MAD1L1: variants seen among roughly 807,000 people sequenced by gnomAD.
MAD1L1 encodes mitotic spindle assembly checkpoint protein MAD1.
In MAD1L1, 95 loss-of-function variants were observed where a neutral mutation model predicts 96.9. That is an observed-to-expected ratio of 0.98 (90% CI 0.83 to 1.16). The LOEUF (loss-of-function observed/expected upper bound fraction) is 1.16. Ranked by LOEUF, MAD1L1 falls within the 50% of genes most tolerant of loss-of-function variation. The pLI, the probability that MAD1L1 is intolerant of heterozygous loss-of-function variation, is 0.00. For missense variants in MAD1L1, 1,007 were observed against 954.4 expected (o/e 1.06, Z -0.73); for synonymous variants, 473 against 396.6 (o/e 1.19, Z -2.29).
At chr7:1,945,098 G>A (rs1237503718) in intron 16 of MAD1L1, among the ~76,000 whole-genome samples, 9 of 152,144 alleles carry the variant, frequency 5.9e-5, no homozygotes, top group East Asian at 5.8e-4. Context: ...CCAGGCCTCC[G>A]TCTCTCTCTG....
chr7:1,842,954 C>T (rs929954977), intron 18 of MAD1L1, among the ~76,000 whole-genome samples: 17 of 152,248 alleles, frequency 1.1e-4, no homozygotes, highest in Admixed American at 9.8e-4. Flanking sequence ...CGAGGCCGGG[C>T]TCCAGCACAG....
intron 11 of MAD1L1, among the ~76,000 whole-genome samples, chr7:2,083,593 G>A (rs1056261665): frequency 2.0e-5 from 3 of 152,220 alleles, no homozygotes; most frequent in African/African-American, 7.2e-5. Context: ...GCTGTCGGGA[G>A]ACTCCAGACG....
intron 12 of MAD1L1, among the ~76,000 whole-genome samples, chr7:2,065,544 C>T (rs888641491): frequency 2.6e-5 from 4 of 152,188 alleles, no homozygotes; most frequent in African/African-American, 7.2e-5. Flanking sequence ...ACCCCAGCTT[C>T]GGAGGAGGTG....
At chr7:1,846,803 AAAG>A (rs1783653755) in intron 18 of MAD1L1, 2 of 188,036 alleles carry the variant, frequency 1.1e-5, no homozygotes, top group South Asian at 9.3e-5. Flanking sequence ...CATTCTTTGC[AAAG>A]AATACTCCGC....
At chr7:2,131,462 G>C (rs577671298) in intron 11 of MAD1L1, among the ~76,000 whole-genome samples, 1 of 152,220 alleles carries the variant, frequency 6.6e-6, no homozygotes, top group Non-Finnish European at 1.5e-5. Context: ...AGGAAACAGG[G>C]AGCAGCTGAG....
chr7:1,954,543 G>A (rs1396880168), intron 16 of MAD1L1, among the ~76,000 whole-genome samples: 1 of 152,190 alleles, frequency 6.6e-6, no homozygotes, highest in Non-Finnish European at 1.5e-5. Flanking sequence ...GCTGCAGGTG[G>A]GGTCAGGGAC....
chr7:2,151,957 C>G (rs1192301203), intron 10 of MAD1L1, among the ~76,000 whole-genome samples: 1 of 152,242 alleles, frequency 6.6e-6, no homozygotes, highest in Non-Finnish European at 1.5e-5. Context: ...GGGCATCCAT[C>G]TCCATCACCC....
rs114664768 is a variant in MAD1L1 at position 1,942,063 on chromosome 7, C to A, written c.1597-5166G>T. Reference sequence around the variant, plus strand: ...CTGGGCCAGGCTCTTGACCTCCACGCGTTCGTTCCTGCCATCCTTCCTTTC... The same window carrying A: ...CTGGGCCAGGCTCTTGACCTCCACGAGTTCGTTCCTGCCATCCTTCCTTTC... On this transcript the variant is annotated intron_variant, in intron 16 of 18. Coordinates refer to ENST00000265854, the MANE Select transcript of MAD1L1 (RefSeq NM_001013836.2). Among the ~76,000 whole-genome samples, 820 of 152,314 alleles carry A rather than the reference C, an allele frequency of 5.4e-3. 12 individuals are homozygous for A. The highest frequency in any genetic ancestry group is 0.019 in the African/African-American group (784 of 41,576).
intron 14 of MAD1L1, among the ~76,000 whole-genome samples, chr7:2,000,280 C>A (rs769165914): frequency 6.6e-6 from 1 of 151,988 alleles, no homozygotes; most frequent in African/African-American, 2.4e-5. Flanking sequence ...CGCCTCCGCA[C>A]GCCATTGCAG....
chr7:2,139,659 G>C (rs961725704), intron 11 of MAD1L1, among the ~76,000 whole-genome samples: 1 of 151,746 alleles, frequency 6.6e-6, no homozygotes, highest in East Asian at 1.9e-4. Context: ...CAGCCACAGA[G>C]GACACCCGCC....
At chr7:2,143,587 T>C (rs914760972) in intron 11 of MAD1L1, among the ~76,000 whole-genome samples, 34 of 151,774 alleles carry the variant, frequency 2.2e-4, no homozygotes, top group African/African-American at 7.0e-4. Context: ...CTCGAGTCCC[T>C]TATGCTTGAC....
chr7:2,180,993 C>T (rs1446999121), intron 10 of MAD1L1, among the ~76,000 whole-genome samples: 2 of 152,176 alleles, frequency 1.3e-5, no homozygotes, highest in Non-Finnish European at 2.9e-5. Flanking sequence ...CTGCTTTATT[C>T]CCCTTACCGG....
At chr7:2,156,620 G>C (rs1290582718) in intron 10 of MAD1L1, among the ~76,000 whole-genome samples, 1 of 152,182 alleles carries the variant, frequency 6.6e-6, no homozygotes, top group Admixed American at 6.5e-5. Flanking sequence ...AGGAGCTCAA[G>C]ACCAGCCTGG....
At chr7:1,985,795 TACTGCCCC>T (rs1243523480) in intron 14 of MAD1L1, among the ~76,000 whole-genome samples, 1 of 2,178 alleles carries the variant, frequency 4.6e-4, no homozygotes. Flanking sequence ...TACTGCCCCC[TACTGCCCC>T]CTCTCCTGCT....
chr7:1,846,928 G>A (rs1562451448), intron 18 of MAD1L1: 3 of 313,000 alleles, frequency 9.6e-6, no homozygotes, highest in Non-Finnish European at 1.2e-5. Flanking sequence ...GGCTTGAATG[G>A]TATCACGGGA....
At chr7:1,894,213 C>T (rs555299088) in intron 18 of MAD1L1, among the ~76,000 whole-genome samples, 10 of 152,206 alleles carry the variant, frequency 6.6e-5, no homozygotes, top group Non-Finnish European at 8.8e-5. Flanking sequence ...GCAGCTCTAG[C>T]GCTGTCTTCT....
rs185909149 is a variant in MAD1L1, at chr7:2,190,958, C to T, written c.986+22254G>A. Among the ~76,000 whole-genome samples the T allele has an allele frequency of 4.8e-3, 729 of 152,274 alleles. 9 individuals carry two copies. Among genetic ancestry groups the T allele is most frequent in the African/African-American group, 0.017 (688 of 41,544 alleles). On this transcript the variant is annotated intron_variant, in intron 10 of 18. Transcript: ENST00000265854. Reference sequence around the variant, plus strand: ...AAACATACCATATCACCCAGAGGCCCCACTCCTAGGTATTATCCCAAGAGA... The same window carrying T: ...AAACATACCATATCACCCAGAGGCCTCACTCCTAGGTATTATCCCAAGAGA...
At chr7:1,950,508 G>C (rs748488008) in intron 16 of MAD1L1, among the ~76,000 whole-genome samples, 2 of 152,220 alleles carry the variant, frequency 1.3e-5, no homozygotes, top group Admixed American at 6.5e-5. Flanking sequence ...TCTGCGGAGG[G>C]CGACTTGTAA....
At chr7:2,003,677 G>A (rs550006894) in intron 13 of MAD1L1, among the ~76,000 whole-genome samples, 6 of 152,272 alleles carry the variant, frequency 3.9e-5, no homozygotes, top group Non-Finnish European at 7.4e-5. Flanking sequence ...CCTGTGCAAC[G>A]CCTGTGGATG....
Sources: allele counts gnomAD v4.1 joint callset (sites outside exome capture counted in the v4.1 genomes callset), GRCh38; gene constraint gnomAD v4.1.1; transcripts MANE v1.5; gene names NCBI Gene and HGNC (gene_info 2026-07-23, HGNC 2026-07-21).